The following MEIKIN variants were observed in gnomAD, a reference collection of about 807,000 sequenced individuals.
MEIKIN encodes the protein meiotic kinetochore factor.
chr5:131,924,338 C>G (rs1427084859), intron 5 of MEIKIN, among the ~76,000 whole-genome samples: 1 of 152,108 alleles, frequency 6.6e-6, no homozygotes, highest in Non-Finnish European at 1.5e-5. Context: ...TTTGGATATT[C>G]ACACAGGGAT....
chr5:131,884,768 T>G (rs1750749711), intron 8 of MEIKIN, among the ~76,000 whole-genome samples: 1 of 151,216 alleles, frequency 6.6e-6, no homozygotes, highest in African/African-American at 2.4e-5. Context: ...TGGACAGCAT[T>G]TCTGGATGTG....
chr5:131,826,073 TTTTTCTTG>T (rs1749603397), intron 11 of MEIKIN, among the ~76,000 whole-genome samples: 1 of 145,496 alleles, frequency 6.9e-6, no homozygotes, highest in Admixed American at 7.5e-5. Flanking sequence ...AAATGGTGAA[TTTTTCTTG>T]TTTTCTTTTT....
At chr5:131,852,785 G>A (rs1450636314) in intron 10 of MEIKIN, among the ~76,000 whole-genome samples, 1 of 152,060 alleles carries the variant, frequency 6.6e-6, no homozygotes, top group Non-Finnish European at 1.5e-5. Flanking sequence ...ATATACTTTA[G>A]TATACTGAGT....
rs549313526 is a variant in MEIKIN at position 131,831,041 on chromosome 5, G to A, written c.976-12178C>T. Among the ~76,000 whole-genome samples, 34 of 152,232 alleles carry A rather than the reference G, an allele frequency of 2.2e-4. No individual in the cohort carries two copies. The South Asian group carries it at 6.6e-3, about 30-fold the overall frequency. On this transcript the variant is annotated intron_variant, in intron 11 of 12. Transcript: ENST00000442687. ...GCCTCCCAAGTAGCTGGGACTATAC[G>A]TGTGCGCCATTGCACCTGGCTAATT...
chr5:131,866,808 G>C (rs1330409994), intron 9 of MEIKIN, among the ~76,000 whole-genome samples: 1 of 152,062 alleles, frequency 6.6e-6, no homozygotes, highest in Admixed American at 6.6e-5. Context: ...GAAAGGATGG[G>C]GAAGTTTTTT....
At chr5:131,889,160 G>T (rs542643984) in intron 8 of MEIKIN, among the ~76,000 whole-genome samples, 1 of 152,118 alleles carries the variant, frequency 6.6e-6, no homozygotes, top group South Asian at 2.1e-4. Context: ...CTCCAGCTTT[G>T]TTCTTTTGGC....
intron 8 of MEIKIN, among the ~76,000 whole-genome samples, chr5:131,905,623 C>CA (rs1249145382): frequency 2.0e-5 from 3 of 152,202 alleles, no homozygotes; most frequent in South Asian, 4.1e-4. Flanking sequence ...CACAGAAATA[C>CA]AAAAAACTCT....
At chr5:131,838,711 C>T (rs1176179332) in intron 11 of MEIKIN, among the ~76,000 whole-genome samples, 1 of 151,920 alleles carries the variant, frequency 6.6e-6, no homozygotes, top group Admixed American at 6.6e-5. Flanking sequence ...CCTTTTGTCA[C>T]TTCCAATTGT....
At chr5:131,829,469 T>G (rs1749676171) in intron 11 of MEIKIN, among the ~76,000 whole-genome samples, 2 of 152,090 alleles carry the variant, frequency 1.3e-5, no homozygotes, top group Non-Finnish European at 2.9e-5. Context: ...AATAGCACCC[T>G]ATGGGAGAAC....
At chr5:131,906,297 C>A (rs1751241328) in intron 8 of MEIKIN, among the ~76,000 whole-genome samples, 2 of 152,086 alleles carry the variant, frequency 1.3e-5, no homozygotes, top group South Asian at 4.1e-4. Context: ...TAGAGAAATG[C>A]AAATCAAAAC....
chr5:131,914,987 A>C (rs185809233), intron 7 of MEIKIN, among the ~76,000 whole-genome samples: 1 of 152,174 alleles, frequency 6.6e-6, no homozygotes, highest in Non-Finnish European at 1.5e-5. Flanking sequence ...CAACATAACA[A>C]GAAGAGCTGG....
intron 8 of MEIKIN, among the ~76,000 whole-genome samples, chr5:131,900,373 G>A (rs1751134953): frequency 6.6e-6 from 1 of 152,210 alleles, no homozygotes; most frequent in Non-Finnish European, 1.5e-5. Context: ...GGCGCACTGG[G>A]ACTCATTCCT....
chr5:131,923,965 C>T (rs1294736413), intron 5 of MEIKIN, among the ~76,000 whole-genome samples: 2 of 152,136 alleles, frequency 1.3e-5, no homozygotes, highest in African/African-American at 2.4e-5. Flanking sequence ...ACTTAATACC[C>T]ATTGATAGCA....
intron 5 of MEIKIN, among the ~76,000 whole-genome samples, chr5:131,928,685 T>C (rs1751632112): frequency 6.6e-6 from 1 of 152,208 alleles, no homozygotes; most frequent in African/African-American, 2.4e-5. Flanking sequence ...AGTATTACTG[T>C]ATTCTGTACA....
At chr5:131,934,989 G>A (rs528728304) in intron 4 of MEIKIN, among the ~76,000 whole-genome samples, 49 of 151,802 alleles carry the variant, frequency 3.2e-4, no homozygotes, top group Non-Finnish European at 1.5e-4. Context: ...CCAGGAGGTG[G>A]AGGTTGCAGT....
At chr5:131,931,179 G>A (rs919025694) in intron 5 of MEIKIN, among the ~76,000 whole-genome samples, 2 of 152,166 alleles carry the variant, frequency 1.3e-5, no homozygotes, top group African/African-American at 4.8e-5. Flanking sequence ...CGTCTTTGTT[G>A]TTATCAGCCT....
rs1276407851 is a variant in MEIKIN, at chr5:131,933,405, G to C, written c.478+108C>G. 3 of 383,062 alleles carry C rather than the reference G, an allele frequency of 7.8e-6. No homozygotes were observed. In the Admixed American group the frequency reaches 1.4e-4, roughly 17 times the overall value. The allele number at this position is 383,062 out of a possible 1,614,324, so 23.7% of individuals were successfully genotyped here. A position where few individuals can be genotyped will look rare whatever the true frequency, so the allele number is the denominator to read the frequency against. On this transcript the variant is annotated intron_variant, in intron 5 of 12. Coordinates refer to ENST00000442687, the MANE Select transcript of MEIKIN (RefSeq NM_001303622.2). ...GGTCAGGGAAGTGAGGTGTTGGTGA[G>C]GAAGAGGAGTATGCCTTCTCGAAAG...
chr5:131,828,648 C>A lies in MEIKIN; in HGVS notation c.976-9785G>T, dbSNP rs1299860788. Among the ~76,000 whole-genome samples, 3 of 152,166 alleles carry A rather than the reference C, an allele frequency of 2.0e-5. No individual in the cohort carries two copies. In the East Asian group the frequency reaches 5.8e-4, roughly 29 times the overall value. Reference sequence around the variant, plus strand: ...AATAAAATGATTTTTAAAATTTCCCCAAACCAAGGTGCTTATTTTTCCAAA... The same window carrying A: ...AATAAAATGATTTTTAAAATTTCCCAAAACCAAGGTGCTTATTTTTCCAAA... On this transcript the variant is annotated intron_variant, in intron 11 of 12. Coordinates refer to ENST00000442687, the MANE Select transcript of MEIKIN (RefSeq NM_001303622.2).
chr5:131,830,501 T>A (rs937001292), intron 11 of MEIKIN, among the ~76,000 whole-genome samples: 1 of 152,220 alleles, frequency 6.6e-6, no homozygotes, highest in Non-Finnish European at 1.5e-5. Flanking sequence ...ATTGGAGATA[T>A]AACAGAAAAT....
Sources: allele counts gnomAD v4.1 joint callset (sites outside exome capture counted in the v4.1 genomes callset), GRCh38; gene constraint gnomAD v4.1.1; transcripts MANE v1.5; gene names NCBI Gene and HGNC (gene_info 2026-07-23, HGNC 2026-07-21).